The following SLC44A1 variants were observed in gnomAD, a reference collection of about 807,000 sequenced individuals.
SLC44A1 encodes choline transporter-like protein 1.
A neutral mutation model predicts 79.3 loss-of-function variants in SLC44A1; 26 were observed. The ratio of observed to expected loss-of-function variants is 0.33; its 90% CI spans 0.24 to 0.46. SLC44A1 has a LOEUF of 0.46. Ranked by LOEUF, SLC44A1 falls within the 20% of genes least tolerant of loss-of-function variation. The pLI is 1.00. For synonymous variants in SLC44A1, 263 were observed against 286.2 expected (o/e 0.92, Z 0.82); for missense variants, 688 against 798.1 (o/e 0.86, Z 1.66).
At chr9:105,422,798 C>T (rs184535655) in intron 15 of SLC44A1, among the ~76,000 whole-genome samples, 235 of 152,310 alleles carry the variant, frequency 1.5e-3, no homozygotes, top group African/African-American at 5.4e-3. Flanking sequence ...TACAAACTCT[C>T]AGTGGCACCA....
intron 3 of SLC44A1, among the ~76,000 whole-genome samples, chr9:105,321,296 T>G (rs552599357): frequency 8.7e-4 from 132 of 152,310 alleles, no homozygotes; most frequent in African/African-American, 3.1e-3. Flanking sequence ...AAAAATACAG[T>G]TATTCCAGAA....
At chr9:105,374,352 G>A (rs1429470381) in intron 12 of SLC44A1, among the ~76,000 whole-genome samples, 2 of 152,310 alleles carry the variant, frequency 1.3e-5, no homozygotes, top group East Asian at 1.9e-4. Flanking sequence ...AAAGGTTTGT[G>A]TATGTTTTAA....
At chr9:105,287,023 A>G (rs1040198279) in intron 1 of SLC44A1, among the ~76,000 whole-genome samples, 1 of 152,212 alleles carries the variant, frequency 6.6e-6, no homozygotes, top group Non-Finnish European at 1.5e-5. Context: ...CCCAGAGACA[A>G]GGAAGGTAAA....
At chr9:105,261,264 C>G (rs1829831961) in intron 1 of SLC44A1, among the ~76,000 whole-genome samples, 1 of 152,168 alleles carries the variant, frequency 6.6e-6, no homozygotes, top group Non-Finnish European at 1.5e-5. Flanking sequence ...GTAATCAGCA[C>G]TGGACGATAG....
At chr9:105,426,133 T>C (rs1364096746) in intron 15 of SLC44A1, among the ~76,000 whole-genome samples, 2 of 152,210 alleles carry the variant, frequency 1.3e-5, no homozygotes, top group African/African-American at 4.8e-5. Flanking sequence ...TAGGAGAATA[T>C]TTGTGTAATT....
chr9:105,323,891 A>G (rs1826479077), intron 3 of SLC44A1, among the ~76,000 whole-genome samples: 1 of 152,178 alleles, frequency 6.6e-6, no homozygotes, highest in African/African-American at 2.4e-5. Context: ...CACTCTCACC[A>G]TGGTCTTCTG....
At position 105,292,132 on chromosome 9, in the gene SLC44A1, T is replaced by C. The variant is rs538439278; in HGVS notation, c.37-7088T>C. On this transcript the variant is annotated intron_variant, in intron 1 of 15. Coordinates refer to ENST00000374720, the MANE Select transcript of SLC44A1 (RefSeq NM_080546.5). Reference sequence around the variant, plus strand: ...GGCTGCTATTTATTGTTACTTTGAATGTCGGAGAATGCAGTTCTCTGGCTT... The same window carrying C: ...GGCTGCTATTTATTGTTACTTTGAACGTCGGAGAATGCAGTTCTCTGGCTT... Among the ~76,000 whole-genome samples, 5 of 152,288 alleles carry C rather than the reference T, an allele frequency of 3.3e-5. No homozygotes were observed. In the South Asian group the frequency reaches 8.3e-4, roughly 25 times the overall value.
chr9:105,280,521 A>T (rs1028024962), intron 1 of SLC44A1, among the ~76,000 whole-genome samples: 2 of 152,258 alleles, frequency 1.3e-5, no homozygotes, highest in African/African-American at 4.8e-5. Context: ...ATTATTTGTT[A>T]AATTAGCTGT....
Position 105,389,465 on chromosome 9 carries a change from A to C in SLC44A1, c.*409A>C. 1 of 1,032,482 alleles carries C rather than the reference A, an allele frequency of 9.7e-7. No individual in the cohort carries two copies. Among genetic ancestry groups the C allele is most frequent in the Non-Finnish European group, 1.2e-6 (1 of 859,790 alleles). The allele number at this position is 1,032,482 out of a possible 1,614,324, so 64.0% of individuals were successfully genotyped here. A position where few individuals can be genotyped will look rare whatever the true frequency, so the allele number is the denominator to read the frequency against. On this transcript the variant is annotated 3_prime_UTR_variant, in exon 16 of 16. Coordinates refer to ENST00000374720, the MANE Select transcript of SLC44A1 (RefSeq NM_080546.5). ...AGTTTATTCAGGGGTAATTTCCCTG[A>C]TGTCTGTATAAAATCAAGATCTTAT...
At chr9:105,332,703 T>C (rs1228919856) in intron 3 of SLC44A1, among the ~76,000 whole-genome samples, 10 of 152,188 alleles carry the variant, frequency 6.6e-5, no homozygotes. Flanking sequence ...TAGTCATGAA[T>C]ACTCCTACAC....
intron 3 of SLC44A1, among the ~76,000 whole-genome samples, chr9:105,313,910 C>A (rs184062276): frequency 1.0e-3 from 158 of 152,128 alleles, no homozygotes; most frequent in African/African-American, 3.3e-3. Context: ...CAGGCATGCA[C>A]CACCGTGCCT....
At chr9:105,355,659 T>C (rs1827600531) in intron 5 of SLC44A1, among the ~76,000 whole-genome samples, 1 of 152,214 alleles carries the variant, frequency 6.6e-6, no homozygotes, top group African/African-American at 2.4e-5. Context: ...AGCATGACTT[T>C]GTTTATATGA....
chr9:105,438,233 A>C (rs1003426725), intron 15 of SLC44A1: 1 of 1,521,718 alleles, frequency 6.6e-7, no homozygotes. Context: ...TCATTGTGTC[A>C]TGTTCCCCTA....
In SLC44A1 at chr9:105,290,105, C is replaced by T. The variant is rs7031423; in HGVS notation, c.37-9115C>T. ...TGCTGGGATTACAGGCGTGAGCCAC[C>T]GCACCTGGCCTGTAAGTCAATTTTT... On this transcript the variant is annotated intron_variant, in intron 1 of 15. Coordinates refer to ENST00000374720, the MANE Select transcript of SLC44A1 (RefSeq NM_080546.5). 5.9e-3 allele frequency among the ~76,000 whole-genome samples: 905 copies of T among 152,198 alleles called. 10 individuals are homozygous for T. Among genetic ancestry groups the T allele is most frequent in the African/African-American group, 0.02 (833 of 41,484 alleles).
intron 2 of SLC44A1, among the ~76,000 whole-genome samples, chr9:105,305,212 C>T (rs140719730): frequency 1.3e-4 from 20 of 151,752 alleles, no homozygotes; most frequent in African/African-American, 4.8e-4. Flanking sequence ...TCAAGTAATT[C>T]TCCCACCTCA....
chr9:105,329,509 T>C (rs1826685028), intron 3 of SLC44A1, among the ~76,000 whole-genome samples: 1 of 152,138 alleles, frequency 6.6e-6, no homozygotes, highest in African/African-American at 2.4e-5. Flanking sequence ...TGGCAAAGGC[T>C]CATCTCTGGA....
chr9:105,438,310 C>A, exon 16 of SLC44A1: 3 of 1,548,798 alleles, frequency 1.9e-6, no homozygotes, highest in Non-Finnish European at 2.6e-6. Context: ...TCTCATGAGC[C>A]CTGAAGAATG....
rs557427764 is a variant in SLC44A1, at chr9:105,424,032, G to A, written c.1951-14249G>A. 1.4e-4 allele frequency among the ~76,000 whole-genome samples: 21 copies of A among 152,232 alleles called. 1 individual carries two copies. The highest frequency in any genetic ancestry group is 2.6e-4 in the African/African-American group (11 of 41,546). Reference sequence around the variant, plus strand: ...AGGAAAAATTAAAAATAATAATATAGGGCTGCATACATAAAACACATATGT... The same window carrying A: ...AGGAAAAATTAAAAATAATAATATAAGGCTGCATACATAAAACACATATGT... On this transcript the variant is annotated intron_variant, in intron 15 of 15. Transcript: ENST00000374724.
intron 1 of SLC44A1, among the ~76,000 whole-genome samples, chr9:105,261,216 A>G (rs570936875): frequency 6.6e-6 from 1 of 152,330 alleles, no homozygotes; most frequent in South Asian, 2.1e-4. Flanking sequence ...ATCATAAGCT[A>G]GAACCCTCTG....
Sources: gnomAD v4.1 joint callset for allele counts (sites outside exome capture counted in the v4.1 genomes callset) on GRCh38, gnomAD v4.1.1 for gene constraint, MANE v1.5 for transcripts, NCBI Gene and HGNC (gene_info 2026-07-23, HGNC 2026-07-21) for gene names.